Variants in ACSF3 observed in about 807,000 individuals in gnomAD.
ACSF3 encodes acyl-CoA synthetase family member 3.
A neutral mutation model predicts 53.2 loss-of-function variants in ACSF3; 78 were observed. The ratio of observed to expected loss-of-function variants is 1.47; its 90% CI spans 1.22 to 1.77. ACSF3 has a LOEUF of 1.77. Among genes scored for constraint, ACSF3 ranks in the 40% most tolerant of loss-of-function variants. The pLI is 0.00. For missense variants in ACSF3, 937 were observed against 771.1 expected, an observed-to-expected ratio of 1.22 and a Z score of -2.55; for synonymous variants, 414 against 333.1, an observed-to-expected ratio of 1.24 and a Z score of -2.65.
At chr16:89,094,199 CCCCCGCGCGGGGTGCGGGGA>C (rs1265200017) in intron 1 of ACSF3, among the ~76,000 whole-genome samples, 2 of 151,846 alleles carry the variant, frequency 1.3e-5, no homozygotes, top group African/African-American at 2.4e-5. Context: ...GGGAGCGGGG[CCCCCGCGCGGGGTGCGGGGA>C]GAGAAGCTGT....
chr16:89,129,196 C>G (rs1224933923), intron 7 of ACSF3, among the ~76,000 whole-genome samples: 1 of 152,126 alleles, frequency 6.6e-6, no homozygotes, highest in Non-Finnish European at 1.5e-5. Context: ...TTCAGTTCTT[C>G]TATATCCTTG....
At chr16:89,094,086 GC>G (rs1477411263) in intron 1 of ACSF3, 90 bp downstream of exon 1, 2 of 151,260 alleles carry the variant, frequency 1.3e-5, no homozygotes, top group African/African-American at 4.8e-5. Context: ...CCCCTGGGTC[GC>G]AGCTGGGCTT....
At chr16:89,098,911 A>C in intron 2 of ACSF3, 148 bp downstream of exon 2, 2 of 395,850 alleles carry the variant, frequency 5.1e-6, no homozygotes, top group Non-Finnish European at 1.0e-5. Flanking sequence ...CATTGTCAAA[A>C]TAATACTTGT....
At position 89,100,991 on chromosome 16, in the gene ACSF3, A is replaced by C; in HGVS notation, c.310A>C (p.Asn104His). Reference sequence around the variant, plus strand: ...GGAGAGGGTCTCCTTCCTATGCGCTAACGATGCCTCCTACGTCGTGGCCCA... The same window carrying C: ...GGAGAGGGTCTCCTTCCTATGCGCTCACGATGCCTCCTACGTCGTGGCCCA... ...REERVSFLCA[N>H]DASYVVAQWA... Residue 104 changes from asparagine (N) to histidine (H), a missense_variant, in exon 3 of 11, where the codon AAC becomes CAC. Physicochemically the swap from Asn to His is moderately conservative, Grantham distance 68 (BLOSUM62 1). Transcript: ENST00000614302. The C allele has an allele frequency of 6.2e-7, 1 of 1,613,456 alleles. No homozygotes were observed. Among genetic ancestry groups the C allele is most frequent in the Non-Finnish European group, 8.5e-7 (1 of 1,179,698 alleles).
chr16:89,149,043 T>C (rs1913624968), intron 10 of ACSF3: 1 of 152,210 alleles, frequency 6.6e-6, no homozygotes, highest in Non-Finnish European at 1.5e-5. Context: ...TGCTTACCTT[T>C]TAAATCTAAG....
In ACSF3 at chr16:89,155,325, G is replaced by A. The variant is rs758147557; in HGVS notation, c.*1118G>A. ...AGAGTGGCCAGAAACGAGTGTGCCG[G>A]GCAGGAGGCCAGCCCCATCTCAGGC... On this transcript the variant is annotated 3_prime_UTR_variant, in exon 11 of 11. Coordinates refer to ENST00000614302, the MANE Select transcript of ACSF3 (RefSeq NM_001243279.3). 44 of 452,874 alleles carry A rather than the reference G, an allele frequency of 9.7e-5. No homozygotes were observed. Among genetic ancestry groups the A allele is most frequent in the African/African-American group, 7.8e-4 (39 of 49,962 alleles). 28.1% of individuals were successfully genotyped at this position (452,874 alleles called of 1,614,324 possible). A position where few individuals can be genotyped will look rare whatever the true frequency, so the allele number is the denominator to read the frequency against.
In ACSF3 at chr16:89,133,243, G is replaced by C; in HGVS notation, c.1347G>C (p.Leu449=). Residue 449 remains leucine (L), a synonymous_variant, in exon 8 of 11, where the codon CTG becomes CTC. Coordinates refer to ENST00000614302, the MANE Select transcript of ACSF3 (RefSeq NM_001243279.3). ...AAGAAACTAAGAGTGCATTCACCCT[G>C]GATGGCTGGTTTAAGACAGGTAGGA... ...KPEETKSAFT[L]DGWFKTGDTV... 1.2e-6 allele frequency: 2 copies of C among 1,613,970 alleles called. No homozygotes were observed. The highest frequency in any genetic ancestry group is 8.5e-7 in the Non-Finnish European group (1 of 1,179,920).
chr16:89,126,820 C>G (rs545606913), intron 7 of ACSF3, among the ~76,000 whole-genome samples: 4 of 152,346 alleles, frequency 2.6e-5, no homozygotes, highest in African/African-American at 7.2e-5. Context: ...CAATACGATA[C>G]TGAACAGAAG....
At chr16:89,154,024 G>T in intron 10 of ACSF3, 66 bp from the exon 11 acceptor site, 2 of 1,529,312 alleles carry the variant, frequency 1.3e-6, no homozygotes, top group East Asian at 4.6e-5. Context: ...GTACTGCTGG[G>T]CGCCTGAGTT....
intron 4 of ACSF3, 131 bp downstream of exon 4, chr16:89,102,890 C>G (rs1975528432): frequency 6.8e-6 from 9 of 1,330,560 alleles, no homozygotes; most frequent in Non-Finnish European, 8.4e-6. Context: ...TCGGCCGCGC[C>G]CTCAGACTAG....
At chr16:89,118,071 G>A (rs949609016) in intron 6 of ACSF3, among the ~76,000 whole-genome samples, 6 of 149,416 alleles carry the variant, frequency 4.0e-5, no homozygotes, top group Non-Finnish European at 6.0e-5. Context: ...AGGTTCCCTC[G>A]GGCGCCGGGG....
At chr16:89,117,924 TCCC>T (rs1905509460) in intron 6 of ACSF3, among the ~76,000 whole-genome samples, 2 of 118,422 alleles carry the variant, frequency 1.7e-5, no homozygotes, top group African/African-American at 6.5e-5. Context: ...CCGGGGATGC[TCCC>T]TCTTCTCTAA....
chr16:89,110,905 C>G (rs771193525), intron 4 of ACSF3, among the ~76,000 whole-genome samples: 1 of 152,180 alleles, frequency 6.6e-6, no homozygotes, highest in Admixed American at 6.5e-5. Context: ...TTTGCTTTCC[C>G]GTCTGTGGGT....
At chr16:89,131,940 C>A (rs1909409718) in intron 7 of ACSF3, among the ~76,000 whole-genome samples, 1 of 152,358 alleles carries the variant, frequency 6.6e-6, no homozygotes, top group African/African-American at 2.4e-5. Context: ...GTGGCGTCAG[C>A]CCCTCCTGGA....
chr16:89,099,017 G>A (rs1974948356), intron 2 of ACSF3, among the ~76,000 whole-genome samples: 1 of 152,280 alleles, frequency 6.6e-6, no homozygotes, highest in Admixed American at 6.5e-5. Context: ...CCCAGTGGCA[G>A]CAGAGCCCAG....
intron 6 of ACSF3, among the ~76,000 whole-genome samples, chr16:89,119,207 C>G (rs1040547162): frequency 6.6e-6 from 1 of 152,240 alleles, no homozygotes; most frequent in African/African-American, 2.4e-5. Flanking sequence ...TCTTCAGCCT[C>G]TGCAGATGGT....
At chr16:89,136,429 C>A in intron 8 of ACSF3, 1 of 1,018,606 alleles carries the variant, frequency 9.8e-7, no homozygotes, top group Non-Finnish European at 1.3e-6. Context: ...TGTCACAGGC[C>A]ATTAGCGATG....
chr16:89,103,091 C>G (rs1489942261), intron 4 of ACSF3, among the ~76,000 whole-genome samples: 1 of 152,238 alleles, frequency 6.6e-6, no homozygotes, highest in Non-Finnish European at 1.5e-5. Context: ...GTACTGTAAT[C>G]AAGTTATGTG....
chr16:89,096,874 G>A (rs766798949), intron 1 of ACSF3, among the ~76,000 whole-genome samples: 9 of 152,198 alleles, frequency 5.9e-5, no homozygotes, highest in Non-Finnish European at 1.2e-4. Context: ...CATGTCACAC[G>A]GGGCCAGTCA....
Sources: gnomAD v4.1 joint callset for allele counts (sites outside exome capture counted in the v4.1 genomes callset) on GRCh38, gnomAD v4.1.1 for gene constraint, MANE v1.5 for transcripts, NCBI Gene and HGNC (gene_info 2026-07-23, HGNC 2026-07-21) for gene names.